Variants in CCBE1 observed in about 807,000 individuals in gnomAD.
CCBE1 encodes collagen and calcium binding EGF domains 1.
Under a neutral mutation model 50.0 loss-of-function variants are expected in CCBE1, and 37 were observed. The observed-to-expected ratio is 0.74, with a 90% confidence interval of 0.57 to 0.97. The LOEUF is 0.97. Among genes scored for constraint, CCBE1 ranks in the 50% least tolerant of loss-of-function variants. The pLI is 0.00. For synonymous variants in CCBE1, 234 were observed against 203.7 expected, an observed-to-expected ratio of 1.15 and a Z score of -1.27; for missense variants, 538 against 523.8, an observed-to-expected ratio of 1.03 and a Z score of -0.26.
At chr18:59,479,875 G>A (rs1202501852) in intron 3 of CCBE1, among the ~76,000 whole-genome samples, 4 of 152,236 alleles carry the variant, frequency 2.6e-5, no homozygotes, top group African/African-American at 9.6e-5. Context: ...AGGGAGGAGG[G>A]TTGGTTCTAA....
chr18:59,611,491 C>T (rs7232742), intron 2 of CCBE1, among the ~76,000 whole-genome samples: 62,236 of 152,006 alleles, frequency 0.41, 13,155 homozygotes, highest in East Asian at 0.65. Context: ...ATGCCTGTAA[C>T]CATAGCACTT....
chr18:59,509,055 C>T (rs1361138453), intron 2 of CCBE1, among the ~76,000 whole-genome samples: 1 of 152,142 alleles, frequency 6.6e-6, no homozygotes, highest in Non-Finnish European at 1.5e-5. Flanking sequence ...TTTACTTAAT[C>T]ATGCTGGTTC....
rs145659543 is a variant in CCBE1, at chr18:59,612,037, A to C, written c.212+84592T>G. Among the ~76,000 whole-genome samples, 1,143 of 152,310 alleles carry C rather than the reference A, an allele frequency of 7.5e-3. 15 individuals are homozygous for C. The highest frequency in any genetic ancestry group is 0.026 in the African/African-American group (1,081 of 41,564). On this transcript the variant is annotated intron_variant, in intron 2 of 10. Coordinates refer to ENST00000439986, the MANE Select transcript of CCBE1 (RefSeq NM_133459.4). Reference sequence around the variant, plus strand: ...CCTAAGCCAGTGAATGCCTCTACTCAGTTTCCAAAATTCACAGGTCTAAGC... The same window carrying C: ...CCTAAGCCAGTGAATGCCTCTACTCCGTTTCCAAAATTCACAGGTCTAAGC...
chr18:59,586,554 C>A (rs1436058945), intron 2 of CCBE1, among the ~76,000 whole-genome samples: 1 of 152,142 alleles, frequency 6.6e-6, no homozygotes. Context: ...ATCCCTTCAT[C>A]AAACCCTAGA....
At chr18:59,452,430 A>G (rs1457781072) in intron 6 of CCBE1, among the ~76,000 whole-genome samples, 1 of 151,002 alleles carries the variant, frequency 6.6e-6, no homozygotes, top group Non-Finnish European at 1.5e-5. Context: ...GTCTCCACTA[A>G]AAATACAAAA....
intron 2 of CCBE1, among the ~76,000 whole-genome samples, chr18:59,677,918 T>C (rs1199862458): frequency 6.6e-6 from 1 of 152,084 alleles, no homozygotes; most frequent in Non-Finnish European, 1.5e-5. Flanking sequence ...AAAGGTAAGA[T>C]ACAGTAAAAG....
rs1343875670 is a variant in CCBE1 at position 59,438,157 on chromosome 18, A to G, written c.952-11T>C. 4 of 1,613,990 alleles carry G rather than the reference A, an allele frequency of 2.5e-6. No homozygotes were observed. The African/African-American group carries it at 4.0e-5, about 16-fold the overall frequency. ...CGCTCCTCTCTCCCCCTAAAAACAG[A>G]AAGGCCAGGGTTAGCTTTCTAGAGC... On this transcript the variant is annotated splice_polypyrimidine_tract_variant and intron_variant, in intron 9 of 10. Transcript: ENST00000439986.
chr18:59,679,567 G>A (rs367793095), intron 2 of CCBE1, among the ~76,000 whole-genome samples: 3 of 152,170 alleles, frequency 2.0e-5, no homozygotes, highest in African/African-American at 7.2e-5. Context: ...TGGCATATCT[G>A]AAAACTGTTC....
At chr18:59,563,231 A>T (rs1424233073) in intron 2 of CCBE1, among the ~76,000 whole-genome samples, 1 of 152,090 alleles carries the variant, frequency 6.6e-6, no homozygotes, top group Admixed American at 6.6e-5. Flanking sequence ...TAAAACCCCA[A>T]CTCTGCTTGT....
chr18:59,495,699 G>A (rs12232581), intron 2 of CCBE1, among the ~76,000 whole-genome samples: 3,291 of 151,754 alleles, frequency 0.022, 145 homozygotes, highest in East Asian at 0.21. Flanking sequence ...TTGCAAACAC[G>A]TGGAAAAGGA....
At chr18:59,505,107 A>T (rs921657753) in intron 2 of CCBE1, among the ~76,000 whole-genome samples, 1 of 152,190 alleles carries the variant, frequency 6.6e-6, no homozygotes, top group East Asian at 1.9e-4. Flanking sequence ...TTCCAACTCT[A>T]AAATTTGATA....
intron 5 of CCBE1, chr18:59,459,200 T>C (rs1911347621): frequency 1.3e-5 from 2 of 152,222 alleles, no homozygotes; most frequent in Non-Finnish European, 2.9e-5. Context: ...CAAAATCAGA[T>C]ATGTGGGGTT....
intron 2 of CCBE1, among the ~76,000 whole-genome samples, chr18:59,671,983 A>T (rs911987355): frequency 1.3e-5 from 2 of 152,190 alleles, no homozygotes; most frequent in African/African-American, 4.8e-5. Flanking sequence ...CCTCAACAGG[A>T]CAGAAGAAAG....
chr18:59,501,923 C>T (rs12456250), intron 2 of CCBE1, among the ~76,000 whole-genome samples: 9,433 of 152,212 alleles, frequency 0.062, 818 homozygotes, highest in East Asian at 0.33. Flanking sequence ...CTCAGCCTTC[C>T]AAGTAGCTGC....
At chr18:59,646,213 C>G (rs1029006253) in intron 2 of CCBE1, among the ~76,000 whole-genome samples, 1 of 152,108 alleles carries the variant, frequency 6.6e-6, no homozygotes, top group Non-Finnish European at 1.5e-5. Flanking sequence ...GCATAGGAAA[C>G]TACGCATGGA....
At chr18:59,448,194 CAT>C in intron 6 of CCBE1, 91 bp from the exon 7 acceptor site, 2 of 1,559,686 alleles carry the variant, frequency 1.3e-6, no homozygotes, top group Non-Finnish European at 1.7e-6. Flanking sequence ...AAAGCCTTTT[CAT>C]GAGACATATG....
At chr18:59,569,292 C>T (rs1241871514) in intron 2 of CCBE1, among the ~76,000 whole-genome samples, 1 of 152,196 alleles carries the variant, frequency 6.6e-6, no homozygotes, top group Non-Finnish European at 1.5e-5. Context: ...AAATCTGTTG[C>T]TTCACCTGAT....
intron 2 of CCBE1, among the ~76,000 whole-genome samples, chr18:59,649,477 G>T (rs915442992): frequency 6.6e-6 from 1 of 152,122 alleles, no homozygotes; most frequent in African/African-American, 2.4e-5. Flanking sequence ...AGCAGCTCTT[G>T]TTAATAAAGC....
At chr18:59,472,417 C>G (rs541891397) in intron 3 of CCBE1, among the ~76,000 whole-genome samples, 1 of 152,212 alleles carries the variant, frequency 6.6e-6, no homozygotes, top group Non-Finnish European at 1.5e-5. Flanking sequence ...ACAATTCAAT[C>G]TACATATTCA....
Sources: gnomAD v4.1 joint callset for allele counts (sites outside exome capture counted in the v4.1 genomes callset) on GRCh38, gnomAD v4.1.1 for gene constraint, MANE v1.5 for transcripts, NCBI Gene and HGNC (gene_info 2026-07-23, HGNC 2026-07-21) for gene names.